Variants in DNAJC3 observed in about 807,000 individuals in gnomAD.
DNAJC3 encodes dnaJ homolog subfamily C member 3.
A neutral mutation model predicts 68.6 loss-of-function variants in DNAJC3; 38 were observed. The observed-to-expected ratio is 0.55, with a 90% CI of 0.43 to 0.73. The LOEUF (loss-of-function observed/expected upper bound fraction) is 0.73. DNAJC3 is among the 30% of genes least tolerant of loss of function. DNAJC3 has a pLI of 0.00. For synonymous variants in DNAJC3, 203 were observed against 204.0 expected, an observed-to-expected ratio of 1.00 and a Z score of 0.04; for missense variants, 526 against 591.9, an observed-to-expected ratio of 0.89 and a Z score of 1.16.
chr13:95,733,502 C>G (rs962081999), intron 4 of DNAJC3, among the ~76,000 whole-genome samples: 3 of 152,098 alleles, frequency 2.0e-5, no homozygotes, highest in African/African-American at 7.2e-5. Flanking sequence ...AGCAATTCTC[C>G]TGCTTCAGCC....
intron 1 of DNAJC3, among the ~76,000 whole-genome samples, chr13:95,691,731 C>G (rs574503298): frequency 3.9e-5 from 6 of 152,140 alleles, no homozygotes; most frequent in African/African-American, 1.4e-4. Context: ...TGTAGCGAGC[C>G]GAGATCACGC....
intron 9 of DNAJC3, among the ~76,000 whole-genome samples, chr13:95,770,114 C>CA (rs1883118728): frequency 1.3e-5 from 2 of 152,166 alleles, no homozygotes; most frequent in Admixed American, 1.3e-4. Flanking sequence ...AGTGACAAGA[C>CA]ACATTTGATT....
Position 95,777,558 on chromosome 13 carries a change from T to C in DNAJC3, c.1076-8381T>C, listed in dbSNP as rs12584278. 0.011 allele frequency among the ~76,000 whole-genome samples: 1,615 copies of C among 152,342 alleles called. 66 individuals carry two copies. In the East Asian group the frequency reaches 0.16, roughly 15 times the overall value. ...CAGCCTTTTAAAAAAGTATTTTATATAATTTAGTTAAGTCAAAATTCACAA... is the reference window on the plus strand; with the variant it reads ...CAGCCTTTTAAAAAAGTATTTTATACAATTTAGTTAAGTCAAAATTCACAA... On this transcript the variant is annotated intron_variant, in intron 9 of 11. Coordinates refer to ENST00000602402, the MANE Select transcript of DNAJC3 (RefSeq NM_006260.5).
At chr13:95,718,102 G>A (rs946181117) in intron 2 of DNAJC3, among the ~76,000 whole-genome samples, 2 of 152,134 alleles carry the variant, frequency 1.3e-5, no homozygotes, top group African/African-American at 4.8e-5. Context: ...GCTAGTATAA[G>A]GATTTGAATT....
chr13:95,708,330 C>G (rs1880830097), intron 1 of DNAJC3, among the ~76,000 whole-genome samples: 1 of 152,316 alleles, frequency 6.6e-6, no homozygotes, highest in Middle Eastern at 3.4e-3. Context: ...GATAATTGGC[C>G]TAGTCCATCA....
At chr13:95,780,232 C>T (rs1341451308) in intron 9 of DNAJC3, among the ~76,000 whole-genome samples, 1 of 152,184 alleles carries the variant, frequency 6.6e-6, no homozygotes, top group African/African-American at 2.4e-5. Flanking sequence ...CTTTGCTACA[C>T]CAAAGGGGTG....
intron 4 of DNAJC3, among the ~76,000 whole-genome samples, chr13:95,747,752 A>C (rs1882346826): frequency 6.6e-6 from 1 of 152,232 alleles, no homozygotes; most frequent in Admixed American, 6.5e-5. Context: ...GTGTAACCTT[A>C]CAGTGGTCAA....
chr13:95,716,555 G>C (rs1209991071), intron 2 of DNAJC3, among the ~76,000 whole-genome samples: 1 of 152,216 alleles, frequency 6.6e-6, no homozygotes, highest in African/African-American at 2.4e-5. Flanking sequence ...TGGGCTGGAA[G>C]GTTGAGTGCA....
rs1325543568 is a variant in DNAJC3, at chr13:95,791,164, A to G, written c.*134A>G. 1.2e-5 allele frequency: 12 copies of G among 1,033,930 alleles called. No homozygotes were observed. Among genetic ancestry groups the G allele is most frequent in the Non-Finnish European group, 1.7e-5 (12 of 713,828 alleles). 64.0% of individuals were successfully genotyped at this position (1,033,930 alleles called of 1,614,324 possible). ...ACCAAAGAGTTGCTTTAATAGGAAA[A>G]AATCTGTTCTTATCCCTGTCAGATT... On this transcript the variant is annotated 3_prime_UTR_variant, in exon 12 of 12. Coordinates refer to ENST00000602402, the MANE Select transcript of DNAJC3 (RefSeq NM_006260.5).
At chr13:95,682,384 C>G (rs1879940512) in intron 1 of DNAJC3, among the ~76,000 whole-genome samples, 1 of 152,080 alleles carries the variant, frequency 6.6e-6, no homozygotes, top group African/African-American at 2.4e-5. Context: ...TTTGCTTGAA[C>G]TTTAGTATCT....
rs201065077 is a variant in DNAJC3 at position 95,791,325 on chromosome 13, G to T, written c.*295G>T. 1 of 360,760 alleles carries T rather than the reference G, an allele frequency of 2.8e-6. No individual in the cohort carries two copies. Among genetic ancestry groups the T allele is most frequent in the South Asian group, 2.7e-5 (1 of 36,974 alleles). 22.3% of individuals were successfully genotyped at this position (360,760 alleles called of 1,614,324 possible). On this transcript the variant is annotated 3_prime_UTR_variant, in exon 12 of 12. Coordinates refer to ENST00000602402, the MANE Select transcript of DNAJC3 (RefSeq NM_006260.5). Reference sequence around the variant, plus strand: ...ACCCGTGGAAGTGCTCACGTATTCTGTATTATTTTTCTACACTGGAGCTGA... The same window carrying T: ...ACCCGTGGAAGTGCTCACGTATTCTTTATTATTTTTCTACACTGGAGCTGA...
intron 2 of DNAJC3, among the ~76,000 whole-genome samples, chr13:95,719,875 T>C (rs923181119): frequency 3.3e-5 from 5 of 152,228 alleles, no homozygotes; most frequent in Non-Finnish European, 7.3e-5. Flanking sequence ...TGGATTGGAA[T>C]GGTCAGGTTT....
At chr13:95,787,527 A>T (rs748070999) in intron 11 of DNAJC3, among the ~76,000 whole-genome samples, 11 of 152,322 alleles carry the variant, frequency 7.2e-5, no homozygotes, top group Middle Eastern at 3.4e-3. Flanking sequence ...CAGGAGCTTG[A>T]TGAGGAAACC....
rs1446647238 is a variant in DNAJC3, at chr13:95,793,044, G to C, written c.*2014G>C. 1.3e-5 allele frequency: 2 copies of C among 152,166 alleles called. No homozygotes were observed. Among genetic ancestry groups the C allele is most frequent in the Non-Finnish European group, 2.9e-5 (2 of 68,046 alleles). 9.4% of individuals were successfully genotyped at this position (152,166 alleles called of 1,614,324 possible). ...CTGGCCACCTCCCACCTGCTGCCCA[G>C]AGGCTTGTTTGCATTTTCATTTTTT... On this transcript the variant is annotated 3_prime_UTR_variant, in exon 12 of 12. Transcript: ENST00000602402.
At chr13:95,721,582 C>T (rs1881324478) in intron 2 of DNAJC3, among the ~76,000 whole-genome samples, 1 of 151,426 alleles carries the variant, frequency 6.6e-6, no homozygotes, top group Non-Finnish European at 1.5e-5. Flanking sequence ...GTTATTTTAT[C>T]TTTTTATTTT....
chr13:95,745,814 G>C (rs1485652018), intron 4 of DNAJC3: 1 of 152,132 alleles, frequency 6.6e-6, no homozygotes, highest in East Asian at 1.9e-4. Context: ...TTGTAAAGTT[G>C]TATTCAATAC....
chr13:95,709,091 C>G, intron 1 of DNAJC3, 136 bp from the exon 2 acceptor site: 1 of 531,272 alleles, frequency 1.9e-6, no homozygotes, highest in Non-Finnish European at 3.0e-6. Flanking sequence ...ACGTTCTTTA[C>G]ATCATTTTTC....
At chr13:95,738,827 A>T (rs1171125475) in intron 4 of DNAJC3, among the ~76,000 whole-genome samples, 1 of 151,878 alleles carries the variant, frequency 6.6e-6, no homozygotes, top group African/African-American at 2.4e-5. Context: ...ATTTACATTT[A>T]AAGTTAATAT....
Position 95,791,689 on chromosome 13 carries a change from CA to C in DNAJC3, c.*660del, listed in dbSNP as rs1883781019. On this transcript the variant is annotated 3_prime_UTR_variant, in exon 12 of 12. Transcript: ENST00000602402. ...ATGTTAAATGTACATTTTTTTGGTT[CA>C]GTACCTGAAGAAGAATACTGAAACT... The C allele has an allele frequency of 1.3e-5, 2 of 152,060 alleles. No individual in the cohort carries two copies. The highest frequency in any genetic ancestry group is 2.1e-4 in the South Asian group (1 of 4,820). 9.4% of individuals were successfully genotyped at this position (152,060 alleles called of 1,614,324 possible).
Sources: allele counts gnomAD v4.1 joint callset (sites outside exome capture counted in the v4.1 genomes callset), GRCh38; gene constraint gnomAD v4.1.1; transcripts MANE v1.5; gene names NCBI Gene and HGNC (gene_info 2026-07-23, HGNC 2026-07-21).